The following PRKACB variants were observed in gnomAD, a reference collection of about 807,000 sequenced individuals.
PRKACB encodes the protein protein kinase cAMP-activated catalytic subunit beta, also known as cAMP-dependent protein kinase catalytic subunit beta.
PRKACB carries 16 observed loss-of-function variants against 51.4 expected under a neutral mutation model. The ratio of observed to expected loss-of-function variants is 0.31; its 90% CI spans 0.21 to 0.47. The LOEUF is 0.47. Ranked by LOEUF, PRKACB falls within the 20% of genes least tolerant of loss-of-function variation. PRKACB has a pLI of 1.00. For missense variants in PRKACB, 309 were observed against 464.5 expected (o/e 0.67, Z 3.08); for synonymous variants, 147 against 154.4 (o/e 0.95, Z 0.35).
At chr1:84,175,161 C>A in intron 1 of PRKACB, 2 of 1,052,028 alleles carry the variant, frequency 1.9e-6, no homozygotes, top group East Asian at 3.5e-5. Flanking sequence ...TTAAGTATAT[C>A]AAGTTAATGA....
At chr1:84,153,527 T>G (rs942372539) in intron 1 of PRKACB, among the ~76,000 whole-genome samples, 22 of 152,118 alleles carry the variant, frequency 1.4e-4, no homozygotes, top group African/African-American at 4.8e-4. Context: ...TAAGTGAAAT[T>G]TTGTACCCTT....
chr1:84,228,202 T>G (rs1674962660), intron 9 of PRKACB, among the ~76,000 whole-genome samples: 1 of 152,238 alleles, frequency 6.6e-6, no homozygotes, highest in Admixed American at 6.5e-5. Context: ...TATCTTATAA[T>G]AGTATAGTCA....
intron 1 of PRKACB, among the ~76,000 whole-genome samples, chr1:84,111,038 C>T (rs1158253470): frequency 6.6e-6 from 1 of 151,974 alleles, no homozygotes; most frequent in African/African-American, 2.4e-5. Flanking sequence ...ACAACAGTTT[C>T]TTAGCCATTC....
intron 1 of PRKACB, among the ~76,000 whole-genome samples, chr1:84,083,689 C>T (rs1243892822): frequency 6.6e-6 from 1 of 152,060 alleles, no homozygotes; most frequent in Non-Finnish European, 1.5e-5. Flanking sequence ...TGTTTGTATA[C>T]GTGGGTGATC....
intron 8 of PRKACB, among the ~76,000 whole-genome samples, chr1:84,211,127 T>TCA (rs3051185): frequency 0.042 from 6,301 of 148,886 alleles, 142 homozygotes; most frequent in Middle Eastern, 0.092. Context: ...CACTCCACTG[T>TCA]CACACACACA....
intron 1 of PRKACB, among the ~76,000 whole-genome samples, chr1:84,124,905 A>G (rs1210136993): frequency 6.6e-6 from 1 of 152,200 alleles, no homozygotes; most frequent in Non-Finnish European, 1.5e-5. Flanking sequence ...GCCCACATCA[A>G]CCATGACTAG....
chr1:84,196,821 G>T, intron 6 of PRKACB, 79 bp downstream of exon 6: 1 of 1,417,744 alleles, frequency 7.1e-7, no homozygotes, highest in South Asian at 1.5e-5. Context: ...CCCCAACTTG[G>T]AATTTTTTTT....
At chr1:84,177,935 T>A (rs945606104) in intron 1 of PRKACB, among the ~76,000 whole-genome samples, 1 of 152,000 alleles carries the variant, frequency 6.6e-6, no homozygotes, top group Non-Finnish European at 1.5e-5. Flanking sequence ...AAAAAGGCAT[T>A]CTGAGAGTAT....
At chr1:84,084,011 A>G (rs1429311693) in intron 1 of PRKACB, among the ~76,000 whole-genome samples, 1 of 152,192 alleles carries the variant, frequency 6.6e-6, no homozygotes, top group African/African-American at 2.4e-5. Flanking sequence ...GAAGATAGAC[A>G]TGTCAGCAAA....
intron 1 of PRKACB, among the ~76,000 whole-genome samples, chr1:84,169,243 T>C (rs1658569753): frequency 6.6e-6 from 1 of 151,424 alleles, no homozygotes; most frequent in Non-Finnish European, 1.5e-5. Flanking sequence ...TGCAGGAGAG[T>C]ATAAACACAA....
rs141171656 is a variant in PRKACB, at chr1:84,085,457, C to A, written c.46+7086C>A. On this transcript the variant is annotated intron_variant, in intron 1 of 8. Coordinates refer to the PRKACB transcript ENST00000370688. ...AAGAGGGATGGATTGGATAATGACA[C>A]TGTGATCTCTTCTTCCAGCTTTATA... Among the ~76,000 whole-genome samples the A allele has an allele frequency of 2.0e-3, 312 of 152,264 alleles. 4 individuals are homozygous for A. The highest frequency in any genetic ancestry group is 7.3e-3 in the African/African-American group (302 of 41,544).
At chr1:84,079,591 A>G (rs1018429589) in intron 1 of PRKACB, among the ~76,000 whole-genome samples, 2 of 152,224 alleles carry the variant, frequency 1.3e-5, no homozygotes, top group Non-Finnish European at 2.9e-5. Context: ...TTGATGAGCT[A>G]TTATATAAGC....
At chr1:84,128,014 T>C (rs1022921154) in intron 1 of PRKACB, among the ~76,000 whole-genome samples, 2 of 144,106 alleles carry the variant, frequency 1.4e-5, no homozygotes, top group Admixed American at 1.4e-4. Flanking sequence ...TTTCTTTTTT[T>C]TTTTTTTTTT....
intron 1 of PRKACB, chr1:84,178,810 T>G (rs1384477813): frequency 6.4e-6 from 1 of 156,320 alleles, no homozygotes; most frequent in Non-Finnish European, 1.4e-5. Flanking sequence ...ATGTTTTCAA[T>G]TCTTGTATCT....
chr1:84,143,302 A>G (rs887552631), upstream of PRKACB, among the ~76,000 whole-genome samples: 8 of 152,262 alleles, frequency 5.3e-5, no homozygotes, highest in East Asian at 1.5e-3. Context: ...AAATACAAAA[A>G]TTAGCCGGGC....
intron 7 of PRKACB, 89 bp from the exon 8 acceptor site, chr1:84,202,594 T>C (rs1670443042): frequency 6.6e-6 from 9 of 1,361,850 alleles, no homozygotes; most frequent in Non-Finnish European, 8.8e-6. Flanking sequence ...AATTTTTATA[T>C]GCTTCCAGAT....
intron 1 of PRKACB, among the ~76,000 whole-genome samples, chr1:84,121,024 G>A (rs1651020957): frequency 6.6e-6 from 1 of 151,986 alleles, no homozygotes; most frequent in Non-Finnish European, 1.5e-5. Context: ...TAATGTTCTT[G>A]TACTAGCTAT....
chr1:84,206,833 T>A (rs906264095), intron 8 of PRKACB, among the ~76,000 whole-genome samples: 1 of 152,218 alleles, frequency 6.6e-6, no homozygotes, highest in African/African-American at 2.4e-5. Flanking sequence ...TTGCCAGACA[T>A]CTCTCAAGGG....
chr1:84,078,643 G>T (rs964831020), intron 1 of PRKACB, among the ~76,000 whole-genome samples: 3 of 152,144 alleles, frequency 2.0e-5, no homozygotes, highest in Non-Finnish European at 4.4e-5. Flanking sequence ...AGGAGGACTT[G>T]CACACGTTCT....
Sources: gnomAD v4.1 joint callset for allele counts (sites outside exome capture counted in the v4.1 genomes callset) on GRCh38, gnomAD v4.1.1 for gene constraint, MANE v1.5 for transcripts, NCBI Gene and HGNC (gene_info 2026-07-23, HGNC 2026-07-21) for gene names.